The following MAP3K15 variants were observed in gnomAD, a reference collection of about 807,000 sequenced individuals.
MAP3K15 encodes MAPK/ERK kinase kinase 15.
A neutral mutation model predicts 99.5 loss-of-function variants in MAP3K15; 124 were observed. The observed-to-expected ratio is 1.25, with a 90% CI of 1.08 to 1.45. The LOEUF is 1.45. Ranked by LOEUF, MAP3K15 falls within the 40% of genes most tolerant of loss-of-function variation. The probability of loss-of-function intolerance (pLI) is 0.00; values close to 1 mark genes in which losing one functional copy is unlikely to be tolerated. For synonymous variants in MAP3K15, 494 were observed against 439.6 expected, an observed-to-expected ratio of 1.12 and a Z score of -1.55; for missense variants, 1,242 against 1,079.7, an observed-to-expected ratio of 1.15 and a Z score of -2.11.
chrX:19,384,123 G>C (rs962987883), intron 18 of MAP3K15, among the ~76,000 whole-genome samples: 1 of 111,845 alleles, frequency 8.9e-6, no homozygotes, highest in Non-Finnish European at 1.9e-5. Flanking sequence ...AAGAAAATGT[G>C]GTACATATAC....
intron 18 of MAP3K15, among the ~76,000 whole-genome samples, chrX:19,381,281 A>T (rs2063456509): frequency 9.1e-6 from 1 of 110,471 alleles, no homozygotes; most frequent in South Asian, 3.8e-4. Context: ...CCGGCTGCGG[A>T]CCACATGGCA....
At chrX:19,424,279 CACACATATATAT>C (rs1431603239) in intron 9 of MAP3K15, among the ~76,000 whole-genome samples, 22 of 87,406 alleles carry the variant, frequency 2.5e-4, no homozygotes, top group African/African-American at 3.5e-4. Flanking sequence ...CACATATATA[CACACATATATAT>C]ACACATATAT....
chrX:19,498,938 C>T (rs2064424027), intron 1 of MAP3K15, among the ~76,000 whole-genome samples: 1 of 112,374 alleles, frequency 8.9e-6, no homozygotes, highest in South Asian at 3.7e-4. Flanking sequence ...CTAGATTAGA[C>T]TTCTTCAAAA....
intron 11 of MAP3K15, among the ~76,000 whole-genome samples, 170 bp downstream of exon 11, chrX:19,413,187 C>T: frequency 9.1e-6 from 1 of 109,450 alleles, no homozygotes; most frequent in Middle Eastern, 4.6e-3. Flanking sequence ...CACACACATG[C>T]CCACACACAC....
Position 19,391,987 on chromosome X carries a change from C to T in MAP3K15, c.2431+15G>A, listed in dbSNP as rs1257176544. ...TCTGGGATGGGCACCCTGTGCCAAG[C>T]TTTGGTCCACTTACCAGTAAAAGTC... On this transcript the variant is annotated intron_variant, in intron 18 of 28. Transcript: ENST00000338883. 1 of 1,165,644 alleles carries T rather than the reference C, an allele frequency of 8.6e-7. No homozygotes were observed. The highest frequency in any genetic ancestry group is 1.2e-6 in the Non-Finnish European group (1 of 855,890).
chrX:19,416,871 C>G (rs1408222387), intron 9 of MAP3K15, among the ~76,000 whole-genome samples: 2 of 112,295 alleles, frequency 1.8e-5, no homozygotes, highest in Non-Finnish European at 3.8e-5. Context: ...CAAGGGTCAG[C>G]TGTAGTTCAA....
intron 3 of MAP3K15, among the ~76,000 whole-genome samples, chrX:19,468,502 G>A (rs1052570241): frequency 3.6e-5 from 4 of 112,014 alleles, no homozygotes; most frequent in African/African-American, 1.3e-4. Flanking sequence ...GGAGATCAGG[G>A]AAACAGACAG....
At chrX:19,461,508 A>G (rs768643752) in intron 4 of MAP3K15, among the ~76,000 whole-genome samples, 9 of 112,957 alleles carry the variant, frequency 8.0e-5, no homozygotes, top group African/African-American at 2.6e-4. Flanking sequence ...GAATATCACC[A>G]TAGTCTCTTG....
Position 19,373,675 on chromosome X carries a change from G to C in MAP3K15, c.2794C>G (p.Leu932Val), listed in dbSNP as rs1431274152. ...GGCTCTCCCTGTGTGGGCAGGGCCA[G>C]GACGACACCGCGGGGACCTTCTGTA... ...KPSEGPRGVV[L>V]ALPTQGEPMA... Residue 932 changes from leucine (L) to valine (V), a missense_variant, in exon 21 of 29, where the codon CTG becomes GTG. Leu to Val is a conservative substitution (Grantham distance 32). Coordinates refer to ENST00000338883, the MANE Select transcript of MAP3K15 (RefSeq NM_001001671.4). The C allele has an allele frequency of 8.3e-7, 1 of 1,198,733 alleles. No homozygotes were observed. The highest frequency in any genetic ancestry group is 3.0e-5 in the East Asian group (1 of 33,646).
At chrX:19,456,036 C>A (rs1278095948) in intron 6 of MAP3K15, among the ~76,000 whole-genome samples, 1 of 111,277 alleles carries the variant, frequency 9.0e-6, no homozygotes, top group East Asian at 2.8e-4. Context: ...TTAAAGGCTG[C>A]TGGGGAGAGA....
intron 3 of MAP3K15, among the ~76,000 whole-genome samples, chrX:19,471,808 G>GA (rs1043249555): frequency 1.8e-5 from 2 of 109,712 alleles, no homozygotes; most frequent in African/African-American, 6.6e-5. Context: ...AGTGCTGAAA[G>GA]AAAAAAAAAG....
At chrX:19,388,569 CCAGT>C (rs1335672269) in intron 18 of MAP3K15, among the ~76,000 whole-genome samples, 2 of 112,175 alleles carry the variant, frequency 1.8e-5, no homozygotes, top group Admixed American at 9.5e-5. Context: ...GTGCCAGGGA[CCAGT>C]CAAAGCACTT....
chrX:19,440,170 G>A (rs1412777751), intron 6 of MAP3K15, among the ~76,000 whole-genome samples: 1 of 111,975 alleles, frequency 8.9e-6, no homozygotes, highest in Non-Finnish European at 1.9e-5. Context: ...TCTTCCCTGG[G>A]TCCCTCCAGC....
At chrX:19,488,705 A>C in intron 2 of MAP3K15, 123 bp downstream of exon 2, 2 of 679,823 alleles carry the variant, frequency 2.9e-6, no homozygotes, top group South Asian at 3.0e-5. Context: ...GGTGGGAAGG[A>C]AAGAATTGCA....
At chrX:19,416,098 A>T (rs2063732135) in intron 9 of MAP3K15, among the ~76,000 whole-genome samples, 1 of 111,733 alleles carries the variant, frequency 8.9e-6, no homozygotes, top group Admixed American at 9.5e-5. Flanking sequence ...TGGGAGGCCT[A>T]GGTGGGCAGA....
intron 1 of MAP3K15, among the ~76,000 whole-genome samples, chrX:19,508,000 T>C (rs2064491356): frequency 9.0e-6 from 1 of 111,186 alleles, no homozygotes; most frequent in South Asian, 3.8e-4. Context: ...CCCGAGTAGC[T>C]GAGATTACAG....
chrX:19,477,116 T>C (rs773977165), intron 3 of MAP3K15, among the ~76,000 whole-genome samples: 1 of 111,928 alleles, frequency 8.9e-6, no homozygotes, highest in South Asian at 3.7e-4. Flanking sequence ...ATGTCTCGAT[T>C]TAAAGAAAAT....
At chrX:19,384,035 C>A (rs778887223) in intron 18 of MAP3K15, among the ~76,000 whole-genome samples, 1 of 111,877 alleles carries the variant, frequency 8.9e-6, no homozygotes, top group Non-Finnish European at 1.9e-5. Flanking sequence ...TATCTGCACC[C>A]GCATGTTTGT....
At chrX:19,399,922 C>T (rs1017834339) in intron 14 of MAP3K15, among the ~76,000 whole-genome samples, 1 of 110,752 alleles carries the variant, frequency 9.0e-6, no homozygotes, top group African/African-American at 3.3e-5. Flanking sequence ...CTGGTCCTGA[C>T]CTAAGAATTC....
Sources: allele counts gnomAD v4.1 joint callset (sites outside exome capture counted in the v4.1 genomes callset), GRCh38; gene constraint gnomAD v4.1.1; transcripts MANE v1.5; gene names NCBI Gene and HGNC (gene_info 2026-07-23, HGNC 2026-07-21).